Variants in SNTB1 observed in about 807,000 individuals in gnomAD.
SNTB1 encodes beta-1-syntrophin.
Under a neutral mutation model 48.9 loss-of-function variants are expected in SNTB1, and 36 were observed. The observed-to-expected ratio is 0.74, with a 90% CI of 0.56 to 0.97. SNTB1 has a LOEUF of 0.97. SNTB1 is among the 50% of genes least tolerant of loss of function. SNTB1 has a pLI of 0.00. For synonymous variants in SNTB1, 299 were observed against 294.6 expected (o/e 1.01, Z -0.15); for missense variants, 786 against 703.4 (o/e 1.12, Z -1.33).
chr8:120,709,797 T>A (rs531047917), intron 1 of SNTB1, among the ~76,000 whole-genome samples: 2 of 152,230 alleles, frequency 1.3e-5, no homozygotes, highest in Non-Finnish European at 2.9e-5. Flanking sequence ...TCTGGACAAC[T>A]TGCTACAGTT....
chr8:120,618,462 G>T (rs1302655148), intron 3 of SNTB1, among the ~76,000 whole-genome samples: 1 of 152,174 alleles, frequency 6.6e-6, no homozygotes, highest in Non-Finnish European at 1.5e-5. Flanking sequence ...CTCCAGTGCA[G>T]CAAGGAACTT....
intron 3 of SNTB1, among the ~76,000 whole-genome samples, chr8:120,624,347 C>CATGACAGAA (rs1207571434): frequency 3.3e-5 from 5 of 152,156 alleles, no homozygotes; most frequent in Admixed American, 6.5e-5. Flanking sequence ...TGTGTCATCC[C>CATGACAGAA]ATGACAGAAG....
chr8:120,705,640 T>C (rs1283652040), intron 1 of SNTB1, among the ~76,000 whole-genome samples: 2 of 152,218 alleles, frequency 1.3e-5, no homozygotes, highest in African/African-American at 4.8e-5. Context: ...AGATTGTTTC[T>C]AAAATCTCTT....
intron 3 of SNTB1, among the ~76,000 whole-genome samples, chr8:120,629,486 T>C (rs1019384718): frequency 2.6e-5 from 4 of 152,296 alleles, no homozygotes; most frequent in Non-Finnish European, 4.4e-5. Flanking sequence ...TTAAGATCAA[T>C]TACAGCTAGA....
intron 2 of SNTB1, among the ~76,000 whole-genome samples, chr8:120,650,800 T>G (rs918453207): frequency 1.3e-5 from 2 of 152,230 alleles, no homozygotes; most frequent in Non-Finnish European, 2.9e-5. Context: ...CATTCCTGGC[T>G]GGCTGTGCAG....
chr8:120,728,988 T>C (rs991211859), intron 1 of SNTB1, among the ~76,000 whole-genome samples: 28 of 151,300 alleles, frequency 1.9e-4, no homozygotes, highest in African/African-American at 6.8e-4. Flanking sequence ...TACTGACCTT[T>C]TTTTTTTTTT....
intron 2 of SNTB1, among the ~76,000 whole-genome samples, chr8:120,640,274 T>C (rs1817167335): frequency 6.6e-6 from 1 of 152,222 alleles, no homozygotes; most frequent in South Asian, 2.1e-4. Context: ...TAAGGAGATT[T>C]TGGGCTGAGA....
intron 2 of SNTB1, among the ~76,000 whole-genome samples, chr8:120,670,625 T>G (rs983196184): frequency 6.6e-6 from 1 of 152,208 alleles, no homozygotes; most frequent in Admixed American, 6.5e-5. Flanking sequence ...TGTGCAAATA[T>G]TATAGCTTTG....
intron 1 of SNTB1, among the ~76,000 whole-genome samples, chr8:120,788,709 T>C (rs752662174): frequency 3.9e-5 from 6 of 152,162 alleles, no homozygotes; most frequent in Admixed American, 1.3e-4. Context: ...TAAATACATA[T>C]GCAACTAACT....
At chr8:120,605,887 G>T (rs980105257) in intron 3 of SNTB1, among the ~76,000 whole-genome samples, 5 of 152,078 alleles carry the variant, frequency 3.3e-5, no homozygotes, top group African/African-American at 1.2e-4. Flanking sequence ...AGCCCTGCAG[G>T]TACAACATTT....
At chr8:120,620,866 T>C (rs1273188354) in intron 3 of SNTB1, among the ~76,000 whole-genome samples, 1 of 151,748 alleles carries the variant, frequency 6.6e-6, no homozygotes, top group Non-Finnish European at 1.5e-5. Context: ...TTAAAATGCA[T>C]CTTCCTCCTC....
rs113019610 is a variant in SNTB1 at position 120,756,130 on chromosome 8, A to T, written c.571+55143T>A. Among the ~76,000 whole-genome samples the T allele has an allele frequency of 3.5e-3, 537 of 152,312 alleles. 12 individuals are homozygous for T. The highest frequency in any genetic ancestry group is 0.012 in the African/African-American group (505 of 41,574). On this transcript the variant is annotated intron_variant, in intron 1 of 6. Coordinates refer to ENST00000517992, the MANE Select transcript of SNTB1 (RefSeq NM_021021.4). ...CTGTGAACCATAATGAGCATATCCA[A>T]CATAGTCAATCTCTACCCTTCTACC... is the stretch of plus-strand genomic sequence containing the variant.
rs535308013 is a variant in SNTB1, at chr8:120,773,848, T to C, written c.571+37425A>G. On this transcript the variant is annotated intron_variant, in intron 1 of 6. Coordinates refer to ENST00000517992, the MANE Select transcript of SNTB1 (RefSeq NM_021021.4). ...GTTCAAGGTCACTCACATAAGTATG[T>C]GGTGGAGCTAGGCTTTAAAGCCACA... 1.2e-4 allele frequency among the ~76,000 whole-genome samples: 18 copies of C among 152,368 alleles called. No homozygotes were observed. The East Asian group carries it at 3.5e-3, about 29-fold the overall frequency.
chr8:120,626,580 T>C (rs948426648), intron 3 of SNTB1, among the ~76,000 whole-genome samples: 2 of 152,168 alleles, frequency 1.3e-5, no homozygotes, highest in Non-Finnish European at 2.9e-5. Flanking sequence ...GAATAGACCT[T>C]TTTGTCTTCT....
At chr8:120,727,870 C>A (rs567746457) in intron 1 of SNTB1, among the ~76,000 whole-genome samples, 1 of 152,144 alleles carries the variant, frequency 6.6e-6, no homozygotes, top group African/African-American at 2.4e-5. Flanking sequence ...TATCCTAGAC[C>A]GGAAGAATTC....
chr8:120,786,685 G>A (rs1819928108), intron 1 of SNTB1, among the ~76,000 whole-genome samples: 1 of 152,160 alleles, frequency 6.6e-6, no homozygotes, highest in Non-Finnish European at 1.5e-5. Context: ...AGAATACCAG[G>A]TCAAGAGTGT....
rs530014983 is a variant in SNTB1, at chr8:120,651,454, G to T, written c.789-18803C>A. Reference sequence around the variant, plus strand: ...TGTTAAGGGGCACAAGTTAATGAGAGTTGTGGCCGTAACTAGAGCTACAAT... The same window carrying T: ...TGTTAAGGGGCACAAGTTAATGAGATTTGTGGCCGTAACTAGAGCTACAAT... On this transcript the variant is annotated intron_variant, in intron 2 of 6. Coordinates refer to ENST00000517992, the MANE Select transcript of SNTB1 (RefSeq NM_021021.4). Among the ~76,000 whole-genome samples the T allele has an allele frequency of 7.6e-4, 116 of 152,330 alleles. 1 individual carries two copies. The highest frequency in any genetic ancestry group is 3.4e-3 in the Middle Eastern group (1 of 294).
At chr8:120,677,488 C>T (rs1307805425) in intron 2 of SNTB1, among the ~76,000 whole-genome samples, 5 of 152,162 alleles carry the variant, frequency 3.3e-5, no homozygotes, top group Admixed American at 1.3e-4. Context: ...TTTACCCAAA[C>T]GGCTGTTTTA....
intron 1 of SNTB1, among the ~76,000 whole-genome samples, chr8:120,765,016 A>G (rs536341621): frequency 6.6e-6 from 1 of 152,136 alleles, no homozygotes; most frequent in South Asian, 2.1e-4. Context: ...ACCTGAGGTC[A>G]GGAGTTTGAG....
Sources: allele counts gnomAD v4.1 joint callset (sites outside exome capture counted in the v4.1 genomes callset), GRCh38; gene constraint gnomAD v4.1.1; transcripts MANE v1.5; gene names NCBI Gene and HGNC (gene_info 2026-07-23, HGNC 2026-07-21).